NYAP2: variants seen among roughly 807,000 people sequenced by gnomAD.
NYAP2 encodes neuronal tyrosine-phosphorylated phosphoinositide-3-kinase adaptor 2.
NYAP2 carries 23 observed loss-of-function variants against 50.4 expected under a neutral mutation model. The observed-to-expected ratio is 0.46, with a 90% CI of 0.33 to 0.65. The LOEUF is 0.65. NYAP2 is among the 30% of genes least tolerant of loss of function. NYAP2 has a pLI of 0.02. For missense variants in NYAP2, 885 were observed against 861.0 expected (o/e 1.03, Z -0.35); for synonymous variants, 394 against 365.2 (o/e 1.08, Z -0.90).
At chr2:225,439,025 G>A (rs985280134) in intron 3 of NYAP2, among the ~76,000 whole-genome samples, 2 of 152,190 alleles carry the variant, frequency 1.3e-5, no homozygotes, top group African/African-American at 4.8e-5. Flanking sequence ...GCATACATCT[G>A]CATGTGAGTT....
chr2:225,483,134 ATATAT>A (rs1375961256), intron 3 of NYAP2, among the ~76,000 whole-genome samples: 3 of 152,194 alleles, frequency 2.0e-5, no homozygotes, highest in African/African-American at 4.8e-5. Flanking sequence ...CATAACATCT[ATATAT>A]TATAACACTG....
intron 3 of NYAP2, among the ~76,000 whole-genome samples, chr2:225,458,079 C>A (rs578230322): frequency 6.6e-6 from 1 of 152,092 alleles, no homozygotes; most frequent in South Asian, 2.1e-4. Flanking sequence ...ACGATACGCA[C>A]AGTACAAAAG....
intron 3 of NYAP2, among the ~76,000 whole-genome samples, chr2:225,506,009 A>G (rs1690697764): frequency 6.6e-6 from 1 of 152,026 alleles, no homozygotes; most frequent in Non-Finnish European, 1.5e-5. Flanking sequence ...GGCCAGGGTG[A>G]TCCAACGTTT....
intron 5 of NYAP2, among the ~76,000 whole-genome samples, chr2:225,602,248 G>T (rs921292357): frequency 2.0e-5 from 3 of 152,178 alleles, no homozygotes; most frequent in Non-Finnish European, 2.9e-5. Flanking sequence ...GGGCTGAAGT[G>T]ATGATTTACC....
At chr2:225,578,542 A>C (rs1480582052) in intron 4 of NYAP2, among the ~76,000 whole-genome samples, 2 of 152,182 alleles carry the variant, frequency 1.3e-5, no homozygotes, top group African/African-American at 2.4e-5. Context: ...TAGAAACTGG[A>C]GAGTCAGATC....
At chr2:225,697,408 C>G in the NYAP2 span, among the ~76,000 whole-genome samples, 2 of 151,970 alleles carry the variant, frequency 1.3e-5, no homozygotes, top group East Asian at 1.9e-4. Context: ...GCATCAAAAA[C>G]TATAGCAAAA....
rs544499141 is a variant in NYAP2 at position 225,526,134 on chromosome 2, A to T, written c.523+12462A>T. Among the ~76,000 whole-genome samples, 4 of 152,356 alleles carry T rather than the reference A, an allele frequency of 2.6e-5. No homozygotes were observed. The South Asian group carries it at 8.3e-4, about 32-fold the overall frequency. On this transcript the variant is annotated intron_variant, in intron 4 of 6. Coordinates refer to ENST00000636099, the Ensembl canonical transcript of NYAP2. ...CTTTATTTGAGCTTATGGGACCCTG[A>T]GCAGAGAACATAGCCTTTTGGATTC...
chr2:225,538,778 T>TTTTCTTTTCTTTTCTTTTC (rs1691397330), intron 4 of NYAP2, among the ~76,000 whole-genome samples: 1 of 76,042 alleles, frequency 1.3e-5, no homozygotes, highest in Non-Finnish European at 2.5e-5. Context: ...TTTTCTTTTC[T>TTTTCTTTTCTTTTCTTTTC]TTTCTTTCTT....
chr2:225,582,588 G>A lies in NYAP2; in HGVS notation c.1171G>A (p.Ala391Thr). Residue 391 changes from alanine (A) to threonine (T), a missense_variant, in exon 5 of 7, where the codon GCG becomes ACG. Transcript: ENST00000636099. This position sits in a 1 kb window ranked among gnomAD's most constrained non-coding sequence, Gnocchi z 7.0. ...GCTGCCGTCCCACGTCCCCGGCCAT[G>A]CGAAACTGGAGAAAGAGCAGGCCGC... is the stretch of plus-strand genomic sequence containing the variant. 2 of 1,598,918 alleles carry A rather than the reference G, an allele frequency of 1.3e-6. No homozygotes were observed. The highest frequency in any genetic ancestry group is 1.7e-6 in the Non-Finnish European group (2 of 1,173,366).
the NYAP2 span, among the ~76,000 whole-genome samples, chr2:225,685,026 A>G: frequency 6.6e-6 from 1 of 152,194 alleles, no homozygotes. Flanking sequence ...CTCCTTTTAT[A>G]ATGTACTTAG....
downstream of NYAP2, among the ~76,000 whole-genome samples, chr2:225,654,950 G>A (rs989498159): frequency 3.9e-5 from 6 of 152,206 alleles, no homozygotes; most frequent in East Asian, 3.9e-4. Context: ...AAGAAATGTT[G>A]TAGGTGGAGT....
intron 4 of NYAP2, among the ~76,000 whole-genome samples, chr2:225,532,090 G>C (rs1007892318): frequency 6.6e-6 from 1 of 152,140 alleles, no homozygotes; most frequent in Non-Finnish European, 1.5e-5. Context: ...ATGATTTCTG[G>C]ATGTTAATTT....
At chr2:225,694,800 C>T in the NYAP2 span, among the ~76,000 whole-genome samples, 2 of 151,668 alleles carry the variant, frequency 1.3e-5, no homozygotes, top group African/African-American at 4.8e-5. Flanking sequence ...CTTCCAGCAA[C>T]CTGAGTTTGA....
At chr2:225,575,688 C>A (rs1265167448) in intron 4 of NYAP2, among the ~76,000 whole-genome samples, 2 of 152,130 alleles carry the variant, frequency 1.3e-5, no homozygotes, top group East Asian at 3.9e-4. Context: ...AAAGTGGAAG[C>A]TGCCAGAATC....
intron 4 of NYAP2, among the ~76,000 whole-genome samples, chr2:225,567,150 G>A (rs1691976199): frequency 6.6e-6 from 1 of 152,106 alleles, no homozygotes; most frequent in Non-Finnish European, 1.5e-5. Context: ...AGTACTGCAG[G>A]AAATGGTAAC....
intron 4 of NYAP2, among the ~76,000 whole-genome samples, chr2:225,522,369 T>C (rs1691078732): frequency 6.6e-6 from 1 of 152,114 alleles, no homozygotes; most frequent in Non-Finnish European, 1.5e-5. Context: ...TTCTCCTGAT[T>C]TCTGATTTTG....
At chr2:225,554,383 C>T (rs939694250) in intron 4 of NYAP2, among the ~76,000 whole-genome samples, 2 of 150,286 alleles carry the variant, frequency 1.3e-5, no homozygotes, top group Admixed American at 6.7e-5. Flanking sequence ...TGCAATGGCA[C>T]AATCTCAGCC....
the NYAP2 span, among the ~76,000 whole-genome samples, chr2:225,659,658 C>T: frequency 1.3e-5 from 2 of 152,082 alleles, no homozygotes; most frequent in Non-Finnish European, 2.9e-5. Flanking sequence ...ATGAGACTTA[C>T]AGGAAGTAAA....
At chr2:225,584,680 A>G (rs1280523633) in intron 5 of NYAP2, among the ~76,000 whole-genome samples, 3 of 152,226 alleles carry the variant, frequency 2.0e-5, no homozygotes, top group African/African-American at 7.2e-5. Flanking sequence ...TGGTAGTTAC[A>G]AGCCACTAAT....
Sources: allele counts gnomAD v4.1 joint callset (sites outside exome capture counted in the v4.1 genomes callset), GRCh38; gene constraint gnomAD v4.1.1; non-coding constraint Gnocchi (gnomAD v3.1); transcripts MANE v1.5; gene names NCBI Gene and HGNC (gene_info 2026-07-23, HGNC 2026-07-21).